Variants in SYNE1 observed in about 807,000 individuals in gnomAD.
The protein encoded by SYNE1 is nesprin-1.
Under a neutral mutation model 1,111.0 loss-of-function variants are expected in SYNE1, and 616 were observed. That is an observed-to-expected ratio of 0.55 (90% CI 0.52 to 0.59). The LOEUF (loss-of-function observed/expected upper bound fraction) is 0.59. Among genes scored for constraint, SYNE1 ranks in the 20% least tolerant of loss-of-function variants. SYNE1 has a pLI of 0.00. For missense variants in SYNE1, 10,006 were observed against 10,417.0 expected (o/e 0.96, Z 1.72); for synonymous variants, 3,855 against 3,825.8 (o/e 1.01, Z -0.28).
chr6:152,234,612 A>G lies in SYNE1; in HGVS notation c.20529+56T>C, dbSNP rs568584244. 1.3e-4 allele frequency: 205 copies of G among 1,609,264 alleles called. 1 individual carries two copies. Among genetic ancestry groups the G allele is most frequent in the African/African-American group, 1.1e-3 (79 of 74,884 alleles). On this transcript the variant is annotated intron_variant, in intron 111 of 145. Coordinates refer to ENST00000367255, the MANE Select transcript of SYNE1 (RefSeq NM_182961.4). ...GGCCTGACTTCTTTTCTACTGGTGT[A>G]TGGGTCAGGCCTAACTTATAGGCCT...
At chr6:152,540,450 T>C (rs560765575) in intron 3 of SYNE1, among the ~76,000 whole-genome samples, 2 of 152,230 alleles carry the variant, frequency 1.3e-5, no homozygotes, top group South Asian at 4.1e-4. Context: ...CTATGAATAG[T>C]AAAGGGTTAC....
intron 131 of SYNE1, among the ~76,000 whole-genome samples, chr6:152,157,917 C>T (rs950461688): frequency 6.6e-6 from 1 of 152,028 alleles, no homozygotes; most frequent in African/African-American, 2.4e-5. Context: ...CACCACCATG[C>T]CTGGCTAATT....
chr6:152,535,487 A>G (rs1014972617), intron 4 of SYNE1, among the ~76,000 whole-genome samples: 5 of 152,170 alleles, frequency 3.3e-5, no homozygotes, highest in African/African-American at 1.2e-4. Context: ...CTCATTCTAT[A>G]TTGAAAAGAA....
Position 152,176,541 on chromosome 6 carries a change from G to C in SYNE1, c.23480C>G (p.Ala7827Gly), listed in dbSNP as rs141315921. The change falls in exon 130 of 146, where the codon GCT becomes GGT. Residue 7827 changes from alanine to glycine, a missense_variant. Ala to Gly is a moderately conservative substitution (Grantham distance 60, BLOSUM62 0). This residue lies in a region of SYNE1 where 2,182 missense variants were observed against 2,287.8 expected (regional missense o/e 0.95). Coordinates refer to ENST00000367255, the MANE Select transcript of SYNE1 (RefSeq NM_182961.4). ...CTGTATTTTGTTCTCTTGAGCAATAGCAATTTCCTCTTGATAATCCTGTGT... is the reference window on the plus strand; with the variant it reads ...CTGTATTTTGTTCTCTTGAGCAATACCAATTTCCTCTTGATAATCCTGTGT... Reference protein sequence around the residue: ...KLKKDYQEEIAIAQENKIQLQ... With the variant: ...KLKKDYQEEIGIAQENKIQLQ... The C allele has an allele frequency of 2.2e-4, 361 of 1,613,886 alleles. 2 individuals carry two copies. In the African/African-American group the frequency reaches 4.4e-3, roughly 20 times the overall value.
chr6:152,514,386 C>T (rs1369826498), intron 6 of SYNE1, among the ~76,000 whole-genome samples: 11 of 152,094 alleles, frequency 7.2e-5, no homozygotes, highest in Admixed American at 7.2e-4. Flanking sequence ...GAACAGAAAA[C>T]CAAGCTCTGC....
At chr6:152,165,087 C>T (rs535608964) in intron 130 of SYNE1, among the ~76,000 whole-genome samples, 3 of 151,988 alleles carry the variant, frequency 2.0e-5, no homozygotes, top group East Asian at 1.9e-4. Context: ...CTCCCCCACC[C>T]CCACATTACT....
chr6:152,151,572 G>A lies in SYNE1; in HGVS notation c.24431C>T (p.Ala8144Val), dbSNP rs367646427. ...IEHFSECDVQAKIKQLKAFQQ... is the reference protein window; with the variant it reads ...IEHFSECDVQVKIKQLKAFQQ... ...TATTACCTTGAGTTGCTTTATTTTAGCTTGAACATCACACTCAGAAAAATG... is the reference window on the plus strand; with the variant it reads ...TATTACCTTGAGTTGCTTTATTTTAACTTGAACATCACACTCAGAAAAATG... The change falls in exon 135 of 146, where the codon GCT (alanine) becomes GTT (valine). Residue 8144 changes from alanine (A) to valine (V), a missense_variant. Physicochemically the swap from Ala to Val is moderately conservative, Grantham distance 64 (BLOSUM62 0). Around this residue, in one of 7 missense-constraint regions of SYNE1, gnomAD observed 34 missense variants for 68.3 expected, o/e 0.50. Coordinates refer to ENST00000367255, the MANE Select transcript of SYNE1 (RefSeq NM_182961.4). The A allele has an allele frequency of 6.2e-7, 1 of 1,613,824 alleles. No individual in the cohort carries two copies. Among genetic ancestry groups the A allele is most frequent in the African/African-American group, 1.3e-5 (1 of 74,868 alleles).
At chr6:152,459,121 A>G (rs1459768539) in intron 21 of SYNE1, among the ~76,000 whole-genome samples, 191 bp from the exon 22 acceptor site, 1 of 152,176 alleles carries the variant, frequency 6.6e-6, no homozygotes, top group East Asian at 1.9e-4. Flanking sequence ...ATAGTGCTGT[A>G]CCACTGAGAC....
At chr6:152,198,582 T>C (rs761013808) in intron 127 of SYNE1, among the ~76,000 whole-genome samples, 1 of 152,230 alleles carries the variant, frequency 6.6e-6, no homozygotes, top group Non-Finnish European at 1.5e-5. Context: ...TTCTAGCTTT[T>C]GATTTAAAGT....
At chr6:152,263,655 T>C (rs1175335531) in intron 100 of SYNE1, among the ~76,000 whole-genome samples, 1 of 151,828 alleles carries the variant, frequency 6.6e-6, no homozygotes, top group Non-Finnish European at 1.5e-5. Flanking sequence ...TGCCTCAGCC[T>C]CCCAAATTTG....
chr6:152,407,130 G>A lies in SYNE1; in HGVS notation c.6607C>T (p.Leu2203=), dbSNP rs2097913084. ...RVSLSIWDDV[L]STRDEIEGWS... is the part of the protein sequence containing the mutation. ...CCCTCAATCTCATCTCTAGTTGACA[G>A]TACATCATCCCAAATGGACAGGCTT... Residue 2203 remains leucine, a synonymous_variant, in exon 45 of 146, where the codon CTG becomes TTG. Coordinates refer to ENST00000367255, the MANE Select transcript of SYNE1 (RefSeq NM_182961.4). The A allele has an allele frequency of 1.2e-6, 2 of 1,613,954 alleles. No individual in the cohort carries two copies. The highest frequency in any genetic ancestry group is 8.5e-7 in the Non-Finnish European group (1 of 1,179,982).
intron 64 of SYNE1, 144 bp downstream of exon 64, chr6:152,362,026 G>T: frequency 1.8e-6 from 2 of 1,102,262 alleles, no homozygotes; most frequent in South Asian, 1.5e-5. Context: ...AGTTTAAGAA[G>T]CCTTTAGAGA....
At chr6:152,181,233 G>A (rs923825306) in intron 128 of SYNE1, among the ~76,000 whole-genome samples, 4 of 91,436 alleles carry the variant, frequency 4.4e-5, no homozygotes, top group African/African-American at 1.7e-4. Flanking sequence ...CCAACATGGT[G>A]AAACCCCATC....
In SYNE1 at chr6:152,366,523, C is replaced by G. The variant is rs995567776; in HGVS notation, c.9972+695G>C. ...TTTTATTAAAAAAAAAAATTTAAAC[C>G]CCACACAACTCGGGTTACCTATCAC... On this transcript the variant is annotated intron_variant, in intron 62 of 145. Transcript: ENST00000367255. Among the ~76,000 whole-genome samples the G allele has an allele frequency of 3.3e-5, 5 of 152,026 alleles. No homozygotes were observed. In the East Asian group the frequency reaches 9.7e-4, roughly 29 times the overall value.
intron 11 of SYNE1, among the ~76,000 whole-genome samples, chr6:152,491,676 GC>G (rs1035728550): frequency 5.9e-5 from 9 of 152,256 alleles, no homozygotes; most frequent in Non-Finnish European, 1.2e-4. Flanking sequence ...GGTCTGAGAT[GC>G]CTGACATCCA....
intron 98 of SYNE1, among the ~76,000 whole-genome samples, chr6:152,277,217 T>C (rs1217142087): frequency 1.4e-5 from 2 of 144,528 alleles, no homozygotes; most frequent in Non-Finnish European, 3.0e-5. Flanking sequence ...ATCCGTTTCC[T>C]CCCCAACAAG....
chr6:152,468,342 A>G (rs2098783698), intron 16 of SYNE1, among the ~76,000 whole-genome samples: 1 of 152,186 alleles, frequency 6.6e-6, no homozygotes, highest in South Asian at 2.1e-4. Context: ...CACACAGTCC[A>G]CAATTTCAAG....
intron 29 of SYNE1, among the ~76,000 whole-genome samples, chr6:152,446,138 A>G (rs2154242596): frequency 6.6e-6 from 1 of 150,498 alleles, no homozygotes; most frequent in East Asian, 1.9e-4. Context: ...TGGTGAGACA[A>G]AATATATTAC....
At position 152,330,518 on chromosome 6, in the gene SYNE1, C is replaced by A; in HGVS notation, c.14167G>T (p.Val4723Leu). Residue 4723 changes from valine (V) to leucine (L), a missense_variant, in exon 78 of 146, where the codon GTG (valine) becomes TTG (leucine). Val to Leu is a conservative substitution (Grantham distance 32). Around this residue, in one of 7 missense-constraint regions of SYNE1, gnomAD observed 4,955 missense variants for 5,017.2 expected, o/e 0.99. Coordinates refer to ENST00000367255, the MANE Select transcript of SYNE1 (RefSeq NM_182961.4). ...TCCACCGCCTCCCCAAGGCCCGCCA[C>A]CTCGTCCAGAATGGCTCTGCAACCA... Reference protein sequence around the residue: ...QDGCRAILDEVAGLGEAVDEL... With the variant: ...QDGCRAILDELAGLGEAVDEL... 6.2e-7 allele frequency: 1 copy of A among 1,614,166 alleles called. No individual in the cohort carries two copies. The highest frequency in any genetic ancestry group is 8.5e-7 in the Non-Finnish European group (1 of 1,180,038).
Sources: allele counts gnomAD v4.1 joint callset (sites outside exome capture counted in the v4.1 genomes callset), GRCh38; gene constraint gnomAD v4.1.1; regional missense constraint gnomAD v4.1.1; transcripts MANE v1.5; gene names NCBI Gene and HGNC (gene_info 2026-07-23, HGNC 2026-07-21).